MGLL: variants seen among roughly 807,000 people sequenced by gnomAD.
MGLL encodes monoglyceride lipase.
Under a neutral mutation model 29.1 loss-of-function variants are expected in MGLL, and 7 were observed. The ratio of observed to expected loss-of-function variants is 0.24; its 90% CI spans 0.14 to 0.45. MGLL has a LOEUF of 0.45. MGLL is among the 20% of genes least tolerant of loss of function. MGLL has a pLI of 0.99. For missense variants in MGLL, 356 were observed against 413.6 expected, an observed-to-expected ratio of 0.86 and a Z score of 1.21; for synonymous variants, 148 against 168.3, an observed-to-expected ratio of 0.88 and a Z score of 0.93.
chr3:127,796,867 T>A (rs1273474194), intron 2 of MGLL, among the ~76,000 whole-genome samples: 1 of 152,202 alleles, frequency 6.6e-6, no homozygotes, highest in Non-Finnish European at 1.5e-5. Flanking sequence ...TCCACCAGCC[T>A]GAAACAGACG....
At position 127,707,771 on chromosome 3, in the gene MGLL, C is replaced by A. The variant is rs79461013; in HGVS notation, c.600+2805G>T. Reference sequence around the variant, plus strand: ...TGAGACAATAAAAAGTCCTCTTATGCCTTTTTTCCTGAAGGCTTCACACAT... The same window carrying A: ...TGAGACAATAAAAAGTCCTCTTATGACTTTTTTCCTGAAGGCTTCACACAT... On this transcript the variant is annotated intron_variant, in intron 6 of 7. Coordinates refer to ENST00000265052, the MANE Select transcript of MGLL (RefSeq NM_007283.7). Among the ~76,000 whole-genome samples the A allele has an allele frequency of 9.0e-4, 137 of 152,354 alleles. No homozygotes were observed. In the East Asian group the frequency reaches 0.022, roughly 24 times the overall value.
rs1292466960 is a variant in MGLL at position 127,774,468 on chromosome 3, G to A, written c.262+7321C>T. 3.9e-5 allele frequency among the ~76,000 whole-genome samples: 6 copies of A among 152,218 alleles called. No homozygotes were observed. In the East Asian group the frequency reaches 1.2e-3, roughly 29 times the overall value. ...CTAGAACAGTTAGGAGTGCAGTTGGGCATTCAGTGAATATCAAAGAATGAA... is the reference window on the plus strand; with the variant it reads ...CTAGAACAGTTAGGAGTGCAGTTGGACATTCAGTGAATATCAAAGAATGAA... On this transcript the variant is annotated intron_variant, in intron 3 of 7. Transcript: ENST00000265052.
chr3:127,730,421 C>A (rs2076127989), intron 3 of MGLL, among the ~76,000 whole-genome samples: 1 of 152,342 alleles, frequency 6.6e-6, no homozygotes, highest in East Asian at 1.9e-4. Context: ...CCCACCTGCC[C>A]ACGGTTCCTG....
intron 6 of MGLL, among the ~76,000 whole-genome samples, chr3:127,708,776 T>A (rs1487498227): frequency 6.6e-6 from 1 of 152,198 alleles, no homozygotes; most frequent in Non-Finnish European, 1.5e-5. Context: ...TTATGAGGGA[T>A]GCAGGCAGGT....
At chr3:127,753,225 A>G (rs1398932435) in intron 3 of MGLL, among the ~76,000 whole-genome samples, 2 of 152,222 alleles carry the variant, frequency 1.3e-5, no homozygotes, top group African/African-American at 4.8e-5. Flanking sequence ...CCTATCACCC[A>G]GTCACTCTCC....
chr3:127,784,869 A>G (rs1273327124), intron 2 of MGLL, among the ~76,000 whole-genome samples: 1 of 152,210 alleles, frequency 6.6e-6, no homozygotes, highest in African/African-American at 2.4e-5. Flanking sequence ...AAATCAAATC[A>G]TGTTACCCTT....
chr3:127,816,952 C>T lies in MGLL; in HGVS notation c.155+4742G>A, dbSNP rs139355649. Among the ~76,000 whole-genome samples, 20 of 152,368 alleles carry T rather than the reference C, an allele frequency of 1.3e-4. No homozygotes were observed. The East Asian group carries it at 3.7e-3, about 28-fold the overall frequency. ...CACGGCCTGTGTTCCCCTTGCAGCACCTAGCTCCATGTCACCGACGGGAAA... is the reference window on the plus strand; with the variant it reads ...CACGGCCTGTGTTCCCCTTGCAGCATCTAGCTCCATGTCACCGACGGGAAA... On this transcript the variant is annotated intron_variant, in intron 2 of 7. Transcript: ENST00000265052.
intron 2 of MGLL, among the ~76,000 whole-genome samples, chr3:127,808,308 G>C (rs2077604618): frequency 6.6e-6 from 1 of 152,160 alleles, no homozygotes; most frequent in Non-Finnish European, 1.5e-5. Flanking sequence ...TCTTAGCTTT[G>C]CTTTCTTAAG....
chr3:127,757,335 A>G (rs980648946), intron 3 of MGLL, among the ~76,000 whole-genome samples: 1 of 152,194 alleles, frequency 6.6e-6, no homozygotes, highest in African/African-American at 2.4e-5. Context: ...TATTGCAGTA[A>G]CTACTGGCTC....
At chr3:127,794,425 T>C (rs1559974819) in intron 2 of MGLL, among the ~76,000 whole-genome samples, 1 of 152,214 alleles carries the variant, frequency 6.6e-6, no homozygotes, top group Admixed American at 6.5e-5. Context: ...TTCTATGATG[T>C]GAAACTGTCT....
chr3:127,700,065 A>C (rs1020028897), intron 6 of MGLL, among the ~76,000 whole-genome samples: 1 of 152,174 alleles, frequency 6.6e-6, no homozygotes, highest in African/African-American at 2.4e-5. Flanking sequence ...CCATCCTGGA[A>C]TTCCCACCTT....
chr3:127,783,159 A>AG (rs2077157388), intron 2 of MGLL, among the ~76,000 whole-genome samples: 1 of 151,430 alleles, frequency 6.6e-6, no homozygotes, highest in African/African-American at 2.4e-5. Context: ...AAAAAAAAAA[A>AG]AAAAAAAAAG....
chr3:127,769,028 G>A (rs1282505462), intron 3 of MGLL, among the ~76,000 whole-genome samples: 1 of 152,154 alleles, frequency 6.6e-6, no homozygotes, highest in Non-Finnish European at 1.5e-5. Flanking sequence ...TCAGCATATG[G>A]AGTCTCTGGG....
At chr3:127,814,641 CA>C (rs2077723754) in intron 2 of MGLL, among the ~76,000 whole-genome samples, 1 of 152,176 alleles carries the variant, frequency 6.6e-6, no homozygotes, top group East Asian at 1.9e-4. Context: ...TACTGCAAAA[CA>C]AAGCCAGATT....
chr3:127,759,460 G>A (rs1025414364), intron 3 of MGLL, among the ~76,000 whole-genome samples: 11 of 152,204 alleles, frequency 7.2e-5, no homozygotes, highest in African/African-American at 2.7e-4. Context: ...GCTCACTGGA[G>A]GTGGGTGTGC....
intron 6 of MGLL, among the ~76,000 whole-genome samples, chr3:127,700,512 C>T (rs950194412): frequency 1.1e-4 from 16 of 152,226 alleles, no homozygotes; most frequent in African/African-American, 3.9e-4. Flanking sequence ...TCTCTTCCCA[C>T]ATGTCTGCCC....
intron 2 of MGLL, among the ~76,000 whole-genome samples, chr3:127,803,360 G>A (rs1009230457): frequency 7.9e-5 from 12 of 152,120 alleles, no homozygotes; most frequent in South Asian, 6.2e-4. Flanking sequence ...CCTCCAGGCC[G>A]CCTGAAGGAA....
chr3:127,748,469 T>C (rs138571244), intron 3 of MGLL, among the ~76,000 whole-genome samples: 3 of 151,800 alleles, frequency 2.0e-5, no homozygotes, highest in Non-Finnish European at 4.4e-5. Flanking sequence ...CTTGGTGTTA[T>C]GGGCTGAGCT....
chr3:127,794,028 G>A lies in MGLL; in HGVS notation c.156-12133C>T, dbSNP rs571894075. Among the ~76,000 whole-genome samples the A allele has an allele frequency of 1.4e-4, 22 of 152,188 alleles. No individual in the cohort carries two copies. The South Asian group carries it at 4.6e-3, about 32-fold the overall frequency. On this transcript the variant is annotated intron_variant, in intron 2 of 7. Transcript: ENST00000265052. ...CTTCTGTGATATAAGGCTGTCTTCT[G>A]GCCAGGTTTGATGGGTTATGCCTGT...
Sources: gnomAD v4.1 joint callset for allele counts (sites outside exome capture counted in the v4.1 genomes callset) on GRCh38, gnomAD v4.1.1 for gene constraint, MANE v1.5 for transcripts, NCBI Gene and HGNC (gene_info 2026-07-23, HGNC 2026-07-21) for gene names.